HSD17B14: variants seen among roughly 807,000 people sequenced by gnomAD.
HSD17B14 encodes the protein L-fucose dehydrogenase.
Under a neutral mutation model 32.2 loss-of-function variants are expected in HSD17B14, and 32 were observed. The observed-to-expected ratio is 0.99, with a 90% CI of 0.75 to 1.33. The LOEUF (loss-of-function observed/expected upper bound fraction) is 1.33. Ranked by LOEUF, HSD17B14 falls within the 40% of genes most tolerant of loss-of-function variation. HSD17B14 has a pLI of 0.00. For missense variants in HSD17B14, 370 were observed against 366.5 expected, an observed-to-expected ratio of 1.01 and a Z score of -0.08; for synonymous variants, 140 against 155.4, an observed-to-expected ratio of 0.90 and a Z score of 0.74.
chr19:48,830,312 C>A (rs1429689362), intron 5 of HSD17B14, among the ~76,000 whole-genome samples: 1 of 152,146 alleles, frequency 6.6e-6, no homozygotes, highest in Non-Finnish European at 1.5e-5. Flanking sequence ...TAAGCCCCCG[C>A]GTTTCTGTCT....
At chr19:48,828,721 A>G (rs2035290211) in intron 5 of HSD17B14, among the ~76,000 whole-genome samples, 1 of 151,970 alleles carries the variant, frequency 6.6e-6, no homozygotes, top group African/African-American at 2.4e-5. Context: ...CTTGAGCCCA[A>G]GAGTTTGAGA....
chr19:48,816,828 C>CT (rs1181879452), intron 5 of HSD17B14, among the ~76,000 whole-genome samples: 1 of 36,858 alleles, frequency 2.7e-5, no homozygotes, highest in Non-Finnish European at 6.0e-5. Context: ...TCTTTCTTTT[C>CT]TTTCTCTCTC....
chr19:48,815,977 C>T (rs1034052351), intron 5 of HSD17B14, among the ~76,000 whole-genome samples: 11 of 145,356 alleles, frequency 7.6e-5, no homozygotes, highest in Non-Finnish European at 1.2e-4. Flanking sequence ...GCCAAGATTG[C>T]GCTACTGCAC....
chr19:48,829,353 A>AT (rs546991480), intron 5 of HSD17B14, among the ~76,000 whole-genome samples: 6,185 of 138,280 alleles, frequency 0.045, 230 homozygotes, highest in African/African-American at 0.1. Flanking sequence ...TACTCAGCTA[A>AT]TTTTTTTTTT....
chr19:48,820,049 C>T (rs1333137840), intron 5 of HSD17B14, among the ~76,000 whole-genome samples: 2 of 152,008 alleles, frequency 1.3e-5, no homozygotes, highest in Non-Finnish European at 2.9e-5. Context: ...CCCAGGTTTT[C>T]GGGAGGCTGA....
intron 5 of HSD17B14, 138 bp from the exon 6 acceptor site, chr19:48,815,279 G>C: frequency 3.0e-6 from 2 of 677,316 alleles, no homozygotes. Context: ...GTGACTGCTA[G>C]AGACGGCATC....
Position 48,813,368 on chromosome 19 carries a change from G to A in HSD17B14, c.640-20C>T, listed in dbSNP as rs778593980. ...CAGTGGCTGGGGAGAAAAGAGGGGG[G>A]AAGGAGGTCAAGAGGAGCCCCACTT... On this transcript the variant is annotated intron_variant, in intron 8 of 8. Transcript: ENST00000263278. 4 of 1,561,496 alleles carry A rather than the reference G, an allele frequency of 2.6e-6. No homozygotes were observed. The highest frequency in any genetic ancestry group is 1.2e-5 in the South Asian group (1 of 85,178).
intron 4 of HSD17B14, among the ~76,000 whole-genome samples, chr19:48,832,056 C>T (rs1375891308): frequency 5.1e-4 from 66 of 130,516 alleles, no homozygotes; most frequent in Non-Finnish European, 7.9e-4. Flanking sequence ...CCAGCCTGGG[C>T]GACAGAGTGA....
At chr19:48,835,302 G>A (rs8106227) in intron 2 of HSD17B14, among the ~76,000 whole-genome samples, 7 of 90,416 alleles carry the variant, frequency 7.7e-5, no homozygotes, top group African/African-American at 3.4e-4. Flanking sequence ...AGGGGATGGG[G>A]GCCTGGACTC....
rs113696051 is a variant in HSD17B14 at position 48,824,971 on chromosome 19, G to A, written c.369+6697C>T. ...AAATTGTATGATCTGGGCTGGGTGCGGTGGCTCACGCCTCCCAGCACTTTG... is the reference window on the plus strand; with the variant it reads ...AAATTGTATGATCTGGGCTGGGTGCAGTGGCTCACGCCTCCCAGCACTTTG... On this transcript the variant is annotated intron_variant, in intron 5 of 8. Coordinates refer to ENST00000263278, the MANE Select transcript of HSD17B14 (RefSeq NM_016246.3). Among the ~76,000 whole-genome samples the A allele has an allele frequency of 5.1e-4, 77 of 151,792 alleles. No individual in the cohort carries two copies. In the South Asian group the frequency reaches 0.014, roughly 27 times the overall value.
chr19:48,834,773 G>A (rs867465764), intron 2 of HSD17B14, among the ~76,000 whole-genome samples: 837 of 95,682 alleles, frequency 8.7e-3, no homozygotes, highest in Middle Eastern at 0.013. Context: ...GGGTCTGAGG[G>A]AGGAGGGGCT....
At chr19:48,831,854 C>T (rs554249541) in intron 4 of HSD17B14, 95 bp from the exon 5 acceptor site, 42 of 723,228 alleles carry the variant, frequency 5.8e-5, no homozygotes, top group East Asian at 2.3e-4. Flanking sequence ...CTGAGGCAGG[C>T]GGATCATGAG....
In HSD17B14 at chr19:48,836,373, G is replaced by A. The variant is rs2035516649; in HGVS notation, c.39C>T (p.Val13=). 6.2e-7 allele frequency: 1 copy of A among 1,613,370 alleles called. No individual in the cohort carries two copies. Among genetic ancestry groups the A allele is most frequent in the African/African-American group, 1.3e-5 (1 of 74,692 alleles). The change falls in exon 1 of 9, where the codon GTC becomes GTT. Residue 13 remains valine (V), a synonymous_variant. Transcript: ENST00000263278. ...CGATGCCGCGCCCGCCCCCGGTCAC[G>A]ACCACCACCTTCCCGGCATAGCGCG... ...TGTRYAGKVV[V]VTGGGRGIGA...
At chr19:48,831,903 C>T in intron 4 of HSD17B14, 144 bp from the exon 5 acceptor site, 1 of 588,592 alleles carries the variant, frequency 1.7e-6, no homozygotes, top group Non-Finnish European at 3.1e-6. Flanking sequence ...CAGGGCAAAA[C>T]CCTGTCTCTA....
intron 5 of HSD17B14, among the ~76,000 whole-genome samples, chr19:48,825,066 C>T (rs1023600094): frequency 7.3e-5 from 11 of 151,624 alleles, no homozygotes; most frequent in Non-Finnish European, 8.8e-5. Flanking sequence ...GATGAAACCT[C>T]ATCTCTACTA....
intron 5 of HSD17B14, among the ~76,000 whole-genome samples, chr19:48,818,715 G>A (rs1337653515): frequency 1.3e-5 from 2 of 152,120 alleles, no homozygotes; most frequent in Admixed American, 6.5e-5. Context: ...AGGACCCGCT[G>A]GGGGCCAGGT....
At chr19:48,823,528 T>C (rs2035193550) in intron 5 of HSD17B14, among the ~76,000 whole-genome samples, 2 of 152,124 alleles carry the variant, frequency 1.3e-5, no homozygotes. Flanking sequence ...AATATATACA[T>C]TTATGTATAT....
At position 48,822,264 on chromosome 19, in the gene HSD17B14, T is replaced by C. The variant is rs1484025986; in HGVS notation, c.370-7123A>G. Among the ~76,000 whole-genome samples, 4 of 147,704 alleles carry C rather than the reference T, an allele frequency of 2.7e-5. No individual in the cohort carries two copies. The South Asian group carries it at 8.6e-4, about 32-fold the overall frequency. ...TGTTGGTGATGGTAAATTTTAGTAA[T>C]GACGGTGGTGATGATGATGAGGATG... On this transcript the variant is annotated intron_variant, in intron 5 of 8. Coordinates refer to ENST00000263278, the MANE Select transcript of HSD17B14 (RefSeq NM_016246.3).
chr19:48,834,785 G>A (rs1399553005), intron 2 of HSD17B14, among the ~76,000 whole-genome samples: 99 of 99,622 alleles, frequency 9.9e-4, no homozygotes, highest in Admixed American at 1.5e-3. Context: ...GGAGGGGCTG[G>A]GAGCCTGGAC....
Sources: gnomAD v4.1 joint callset for allele counts (sites outside exome capture counted in the v4.1 genomes callset) on GRCh38, gnomAD v4.1.1 for gene constraint, MANE v1.5 for transcripts, NCBI Gene and HGNC (gene_info 2026-07-23, HGNC 2026-07-21) for gene names.